Variants in RYR3 observed in about 807,000 individuals in gnomAD.
RYR3 encodes brain ryanodine receptor-calcium release channel.
A neutral mutation model predicts 584.3 loss-of-function variants in RYR3; 207 were observed. The ratio of observed to expected loss-of-function variants is 0.35; its 90% CI spans 0.32 to 0.40. The LOEUF (loss-of-function observed/expected upper bound fraction) is 0.40. Ranked by LOEUF, RYR3 falls within the 10% of genes least tolerant of loss-of-function variation. RYR3 has a pLI of 1.00. For missense variants in RYR3, 5,616 were observed against 6,089.2 expected, an observed-to-expected ratio of 0.92 and a Z score of 2.59; for synonymous variants, 2,416 against 2,248.5, an observed-to-expected ratio of 1.07 and a Z score of -2.11.
intron 102 of RYR3, among the ~76,000 whole-genome samples, chr15:33,862,125 G>GTTCAT (rs1888472503): frequency 6.6e-6 from 1 of 152,016 alleles, no homozygotes; most frequent in South Asian, 2.1e-4. Context: ...CCCTGTAACT[G>GTTCAT]TTCATTTACA....
intron 1 of RYR3, among the ~76,000 whole-genome samples, chr15:33,312,290 C>A (rs557870461): frequency 6.6e-6 from 1 of 152,168 alleles, no homozygotes; most frequent in Non-Finnish European, 1.5e-5. Flanking sequence ...GAACCACTCT[C>A]CTCCTGTTGA....
intron 1 of RYR3, among the ~76,000 whole-genome samples, chr15:33,395,649 C>T (rs8023904): frequency 0.093 from 14,078 of 152,156 alleles, 967 homozygotes; most frequent in African/African-American, 0.19. Context: ...CCTGGAGCCC[C>T]GTGTTTGTCA....
intron 16 of RYR3, among the ~76,000 whole-genome samples, chr15:33,598,796 G>C (rs753095905): frequency 2.3e-4 from 35 of 152,002 alleles, no homozygotes; most frequent in Non-Finnish European, 4.9e-4. Flanking sequence ...GCTCACGCCT[G>C]TAATCCCAGC....
In RYR3 at chr15:33,802,697, A is replaced by C. The variant is rs142226546; in HGVS notation, c.10011+736A>C. On this transcript the variant is annotated intron_variant, in intron 69 of 103. Coordinates refer to ENST00000634891, the MANE Select transcript of RYR3 (RefSeq NM_001036.6). ...TCCTTCAAGTGTACATACAAAAGCA[A>C]AGCCTACTTAAATGTGATGTTTTGT... Among the ~76,000 whole-genome samples, 347 of 152,326 alleles carry C rather than the reference A, an allele frequency of 2.3e-3. 3 individuals are homozygous for C. Among genetic ancestry groups the C allele is most frequent in the African/African-American group, 7.8e-3 (326 of 41,564 alleles).
chr15:33,580,422 C>T (rs978343899), intron 13 of RYR3, among the ~76,000 whole-genome samples: 3 of 152,108 alleles, frequency 2.0e-5, no homozygotes. Flanking sequence ...GCTGTGAGAG[C>T]ATGACATTGG....
chr15:33,677,442 C>T (rs1056477549), intron 38 of RYR3, among the ~76,000 whole-genome samples: 1 of 152,172 alleles, frequency 6.6e-6, no homozygotes, highest in African/African-American at 2.4e-5. Context: ...CAGCAGACGC[C>T]CTCTGTCCTC....
At chr15:33,355,431 A>G (rs577452284) in intron 1 of RYR3, among the ~76,000 whole-genome samples, 1 of 152,268 alleles carries the variant, frequency 6.6e-6, no homozygotes, top group African/African-American at 2.4e-5. Context: ...CAGCAACCCT[A>G]TGAGATGTAT....
chr15:33,458,012 A>G (rs748362632), intron 1 of RYR3, among the ~76,000 whole-genome samples: 1 of 152,186 alleles, frequency 6.6e-6, no homozygotes, highest in Non-Finnish European at 1.5e-5. Flanking sequence ...AGAACATTCA[A>G]TAAGTTCTTC....
intron 19 of RYR3, among the ~76,000 whole-genome samples, chr15:33,618,080 A>G (rs550647026): frequency 6.6e-6 from 1 of 152,344 alleles, no homozygotes; most frequent in African/African-American, 2.4e-5. Flanking sequence ...AGTTGATCTT[A>G]TATACACCCC....
At chr15:33,826,446 G>C (rs555713961) in intron 83 of RYR3, among the ~76,000 whole-genome samples, 177 bp downstream of exon 83, 1 of 152,314 alleles carries the variant, frequency 6.6e-6, no homozygotes, top group East Asian at 1.9e-4. Context: ...TATGGACCGT[G>C]AGCCATTTAC....
intron 60 of RYR3, among the ~76,000 whole-genome samples, chr15:33,765,046 A>T (rs2152875943): frequency 6.6e-6 from 1 of 151,554 alleles, no homozygotes; most frequent in South Asian, 2.1e-4. Context: ...AAAAAAAAAA[A>T]AAAAGACATC....
intron 16 of RYR3, among the ~76,000 whole-genome samples, chr15:33,600,224 A>G (rs888632222): frequency 6.6e-6 from 1 of 152,166 alleles, no homozygotes; most frequent in African/African-American, 2.4e-5. Context: ...GGAGTCAAGT[A>G]GAAAATTGGT....
At chr15:33,836,725 A>G (rs2078076663) in intron 87 of RYR3, among the ~76,000 whole-genome samples, 181 bp from the exon 88 acceptor site, 1 of 152,212 alleles carries the variant, frequency 6.6e-6, no homozygotes, top group South Asian at 2.1e-4. Context: ...TGCTACAGTG[A>G]GTCTCCCGGT....
chr15:33,349,449 A>G (rs192047995), intron 1 of RYR3, among the ~76,000 whole-genome samples: 11 of 152,220 alleles, frequency 7.2e-5, no homozygotes, highest in Admixed American at 4.6e-4. Flanking sequence ...TTAATATGTC[A>G]GTTTTCTGAA....
At chr15:33,667,392 G>A (rs2063543998) in intron 36 of RYR3, among the ~76,000 whole-genome samples, 3 of 152,162 alleles carry the variant, frequency 2.0e-5, no homozygotes, top group Admixed American at 1.3e-4. Flanking sequence ...ATCTCTGATA[G>A]CATTTCTTTT....
chr15:33,540,086 T>C (rs1275840711), intron 6 of RYR3, among the ~76,000 whole-genome samples: 3 of 152,164 alleles, frequency 2.0e-5, no homozygotes, highest in Non-Finnish European at 2.9e-5. Flanking sequence ...TAACCTGTTA[T>C]TCTTTTAGAT....
chr15:33,656,953 A>G (rs976394370), intron 32 of RYR3, among the ~76,000 whole-genome samples: 1 of 152,158 alleles, frequency 6.6e-6, no homozygotes, highest in African/African-American at 2.4e-5. Context: ...GGTTAGTACA[A>G]TTGCATTACA....
chr15:33,349,671 G>A (rs916208112), intron 1 of RYR3, among the ~76,000 whole-genome samples: 3 of 147,558 alleles, frequency 2.0e-5, no homozygotes, highest in Non-Finnish European at 4.5e-5. Context: ...GTATACATGT[G>A]CCATGCTGGT....
chr15:33,725,158 C>CACACACAA (rs1292762324), intron 45 of RYR3, among the ~76,000 whole-genome samples: 19 of 51,946 alleles, frequency 3.7e-4, no homozygotes, highest in Admixed American at 2.6e-3. Context: ...ACACCTTACA[C>CACACACAA]ACACACACAC....
Sources: allele counts gnomAD v4.1 joint callset (sites outside exome capture counted in the v4.1 genomes callset), GRCh38; gene constraint gnomAD v4.1.1; transcripts MANE v1.5; gene names NCBI Gene and HGNC (gene_info 2026-07-23, HGNC 2026-07-21).